Variants in NCOR2 observed in about 807,000 individuals in gnomAD.
The protein encoded by NCOR2 is CTG repeat protein 26.
A neutral mutation model predicts 262.9 loss-of-function variants in NCOR2; 81 were observed. That is an observed-to-expected ratio of 0.31 (90% confidence interval 0.26 to 0.37). The LOEUF (loss-of-function observed/expected upper bound fraction) is 0.37. Among genes scored for constraint, NCOR2 ranks in the 10% least tolerant of loss-of-function variants. The pLI is 1.00. For synonymous variants in NCOR2, 1,659 were observed against 1,559.3 expected (o/e 1.06, Z -1.51); for missense variants, 3,385 against 3,621.4 (o/e 0.93, Z 1.68).
chr12:124,335,001 C>T, intron 40 of NCOR2, 134 bp downstream of exon 42: 2 of 1,335,834 alleles, frequency 1.5e-6, no homozygotes, highest in South Asian at 1.2e-5. Flanking sequence ...CGCCCTGGAT[C>T]CCCCCAGCGC....
chr12:124,554,372 C>A (rs893949553), intron 1 of NCOR2, among the ~76,000 whole-genome samples: 2 of 152,118 alleles, frequency 1.3e-5, no homozygotes, highest in African/African-American at 4.8e-5. Context: ...ATCGTCATGG[C>A]CCTCCAGCCT....
intron 15 of NCOR2, 51 bp downstream of exon 17, chr12:124,400,450 C>G (rs2041934905): frequency 6.3e-7 from 1 of 1,588,330 alleles, no homozygotes; most frequent in Non-Finnish European, 8.6e-7. Flanking sequence ...TGAGCGCAAC[C>G]CGCCGTGTCT....
At chr12:124,386,803 C>G (rs565503921) in intron 16 of NCOR2, among the ~76,000 whole-genome samples, 4 of 152,258 alleles carry the variant, frequency 2.6e-5, no homozygotes, top group African/African-American at 7.2e-5. Flanking sequence ...CCTGTCTGCC[C>G]GGCGAGCTGC....
chr12:124,333,765 T>A (rs924643301), intron 41 of NCOR2, among the ~76,000 whole-genome samples: 1 of 149,974 alleles, frequency 6.7e-6, no homozygotes, highest in Non-Finnish European at 1.5e-5. Flanking sequence ...AGGGTGGGGG[T>A]GGGGGCGGGG....
exon 38 of NCOR2, chr12:124,336,960 A>C (rs1210705252): frequency 8.5e-6 from 13 of 1,531,558 alleles, no homozygotes; most frequent in Non-Finnish European, 1.1e-5. Context: ...CTGGGGGAGG[A>C]GGCGGGCTCC....
chr12:124,554,298 G>A (rs1220298290), intron 1 of NCOR2, among the ~76,000 whole-genome samples: 1 of 152,208 alleles, frequency 6.6e-6, no homozygotes, highest in East Asian at 1.9e-4. Context: ...GGGGATGGGT[G>A]TCCAAGGCTC....
chr12:124,532,575 T>C (rs1017270090), intron 1 of NCOR2, among the ~76,000 whole-genome samples: 10 of 152,162 alleles, frequency 6.6e-5, no homozygotes, highest in African/African-American at 2.4e-4. Flanking sequence ...CCCTCAGATG[T>C]GATGGATCGC....
intron 17 of NCOR2, among the ~76,000 whole-genome samples, chr12:124,379,500 G>A (rs896750141): frequency 2.6e-5 from 4 of 152,238 alleles, no homozygotes; most frequent in African/African-American, 9.6e-5. Flanking sequence ...CGTGGAGGCA[G>A]CATCTCGAAG....
chr12:124,394,463 T>C (rs866527872), intron 16 of NCOR2, among the ~76,000 whole-genome samples: 12 of 152,232 alleles, frequency 7.9e-5, no homozygotes, highest in African/African-American at 2.7e-4. Flanking sequence ...CAACATTTTG[T>C]GTCCACCAGA....
intron 20 of NCOR2, among the ~76,000 whole-genome samples, chr12:124,365,708 C>T (rs751507769): frequency 5.3e-5 from 8 of 151,980 alleles, no homozygotes; most frequent in Non-Finnish European, 8.8e-5. Flanking sequence ...CCCCCACCGC[C>T]AGCCCACTCT....
chr12:124,536,152 T>C (rs2137194220), upstream of NCOR2, among the ~76,000 whole-genome samples: 1 of 152,274 alleles, frequency 6.6e-6, no homozygotes, highest in Non-Finnish European at 1.5e-5. Context: ...GGTGCAATCA[T>C]GGCTCCCTGC....
In NCOR2 at chr12:124,457,286, G is replaced by A. The variant is rs552009801; in HGVS notation, c.706-124C>T. The A allele has an allele frequency of 1.2e-5, 13 of 1,080,212 alleles. No homozygotes were observed. The highest frequency in any genetic ancestry group is 7.8e-5 in the Admixed American group (2 of 25,550). The allele number at this position is 1,080,212 out of a possible 1,614,324, so 66.9% of individuals were successfully genotyped here. On this transcript the variant is annotated intron_variant, in intron 5 of 46. Transcript: ENST00000405201. This position sits in a 1 kb window ranked among gnomAD's most constrained non-coding sequence, Gnocchi z 4.0. ...AGTCCAGCATGCTGATCCTCAGCAC[G>A]GGGGAGGGAGGCCCGGGGCCCCCTG... is the stretch of plus-strand genomic sequence containing the variant.
At chr12:124,439,220 G>A (rs1425256361) in intron 7 of NCOR2, among the ~76,000 whole-genome samples, 2 of 112,246 alleles carry the variant, frequency 1.8e-5, no homozygotes, top group Non-Finnish European at 3.9e-5. Flanking sequence ...GGGAGACAGA[G>A]ACCCAGAGAC....
chr12:124,354,787 C>G (rs1446200333), intron 25 of NCOR2, 50 bp downstream of exon 27: 1 of 1,558,592 alleles, frequency 6.4e-7, no homozygotes, highest in South Asian at 1.1e-5. Flanking sequence ...ACCCACAGGA[C>G]AGCCAGAGCC....
chr12:124,342,222 C>T (rs2036513372), intron 33 of NCOR2, 148 bp from the exon 36 acceptor site: 6 of 920,600 alleles, frequency 6.5e-6, no homozygotes, highest in Non-Finnish European at 9.5e-6. Context: ...CAGAACTGAG[C>T]GTCGGACAGC....
intron 3 of NCOR2, among the ~76,000 whole-genome samples, chr12:124,479,907 A>AGGG (rs1216505908): frequency 6.6e-6 from 1 of 152,186 alleles, no homozygotes; most frequent in Admixed American, 6.5e-5. Context: ...CGTCTACAAA[A>AGGG]GGGGGTCACA....
chr12:124,356,495 C>T, intron 23 of NCOR2, 147 bp downstream of exon 25: 1 of 718,448 alleles, frequency 1.4e-6, no homozygotes, highest in Non-Finnish European at 2.0e-6. Flanking sequence ...AGATCTCCCC[C>T]TTTCCCTCCA....
chr12:124,333,961 T>C (rs2035604565), intron 41 of NCOR2, among the ~76,000 whole-genome samples: 2 of 150,966 alleles, frequency 1.3e-5, no homozygotes, highest in African/African-American at 2.5e-5. Context: ...CACGTGTGTG[T>C]GTGCGGGTGC....
chr12:124,428,914 T>C (rs1042982818), intron 10 of NCOR2, among the ~76,000 whole-genome samples: 1 of 152,232 alleles, frequency 6.6e-6, no homozygotes, highest in East Asian at 1.9e-4. Flanking sequence ...TCATCATGGG[T>C]ACCTGACCCA....
Sources: allele counts gnomAD v4.1 joint callset (sites outside exome capture counted in the v4.1 genomes callset), GRCh38; gene constraint gnomAD v4.1.1; non-coding constraint Gnocchi (gnomAD v3.1); transcripts MANE v1.5; gene names NCBI Gene and HGNC (gene_info 2026-07-23, HGNC 2026-07-21).